MEGF8: variants seen among roughly 807,000 people sequenced by gnomAD.
MEGF8 encodes multiple EGF like domains 8.
In MEGF8, 156 loss-of-function variants were observed where a neutral mutation model predicts 302.9. The observed-to-expected ratio is 0.52, with a 90% confidence interval of 0.45 to 0.59. The LOEUF is 0.59. MEGF8 is among the 20% of genes least tolerant of loss of function. The pLI is 0.00. For synonymous variants in MEGF8, 1,621 were observed against 1,660.5 expected, an observed-to-expected ratio of 0.98 and a Z score of 0.58; for missense variants, 3,345 against 3,964.5, an observed-to-expected ratio of 0.84 and a Z score of 4.20.
At chr19:42,330,148 G>A (rs1298692661) in intron 1 of MEGF8, among the ~76,000 whole-genome samples, 1 of 152,080 alleles carries the variant, frequency 6.6e-6, no homozygotes, top group East Asian at 1.9e-4. Context: ...TCTCTATGTT[G>A]GCCAGGCTGG....
chr19:42,376,355 T>G lies in MEGF8; in HGVS notation c.8118T>G (p.Pro2706=). 6.2e-7 allele frequency: 1 copy of G among 1,613,484 alleles called. No individual in the cohort carries two copies. Among genetic ancestry groups the G allele is most frequent in the East Asian group, 2.2e-5 (1 of 44,882 alleles). Residue 2706 remains proline, a synonymous_variant, in exon 42 of 42, where the codon CCT becomes CCG. Transcript: ENST00000251268. This position sits in a 1 kb window ranked among gnomAD's most constrained non-coding sequence, Gnocchi z 8.2. ...CCAAGGTCACCGTCTGCTTCCCACC[T>G]GACCCTACTGCCCCGGCCTCCGCCT... The part of the protein sequence containing the change: ...PFAKVTVCFP[P]DPTAPASAWK...
Position 42,356,139 on chromosome 19 carries a change from G to A in MEGF8, c.4449G>A (p.Lys1483=). Residue 1483 remains lysine, a synonymous_variant, in exon 25 of 42, where the codon AAG becomes AAA. Transcript: ENST00000251268. The surrounding 1 kb of genome is among the most constrained non-coding windows in gnomAD (Gnocchi z 5.2). ...EGFGGPDCAT[K]LDGGQLVWET... ...TCGGGGGCCCCGACTGCGCCACCAA[G>A]CTGGATGGCGGGCAGCTGGTCTGGG... 6.3e-7 allele frequency: 1 copy of A among 1,576,648 alleles called. No individual in the cohort carries two copies. Among genetic ancestry groups the A allele is most frequent in the Non-Finnish European group, 8.6e-7 (1 of 1,160,318 alleles).
chr19:42,360,999 G>A lies in MEGF8; in HGVS notation c.5713G>A (p.Ala1905Thr). 6.5e-7 allele frequency: 1 copy of A among 1,548,138 alleles called. No homozygotes were observed. Among genetic ancestry groups the A allele is most frequent in the Non-Finnish European group, 8.7e-7 (1 of 1,146,370 alleles). Residue 1905 changes from alanine (A) to threonine (T), a missense_variant, in exon 32 of 42, where the codon GCC becomes ACC. Coordinates refer to ENST00000251268, the MANE Select transcript of MEGF8 (RefSeq NM_001271938.2). Reference sequence around the variant, plus strand: ...TGGGGCCTGCTTGTCCGGGGATCAGGCCCACAGGTAACCATGGCGACCATG... The same window carrying A: ...TGGGGCCTGCTTGTCCGGGGATCAGACCCACAGGTAACCATGGCGACCATG... ...CHGACLSGDQAHRLGCGGSPC... is the reference protein window; with the variant it reads ...CHGACLSGDQTHRLGCGGSPC...
At chr19:42,371,293 T>TC (rs2039687375) in intron 40 of MEGF8, 57 bp from the exon 41 acceptor site, 1 of 1,594,354 alleles carries the variant, frequency 6.3e-7, no homozygotes, top group African/African-American at 1.3e-5. Flanking sequence ...ATATGGGGTG[T>TC]CCATCCTGGA....
In MEGF8 at chr19:42,375,464, C is replaced by G; in HGVS notation, c.7270-43C>G. On this transcript the variant is annotated intron_variant, in intron 41 of 41. Transcript: ENST00000251268. The surrounding 1 kb of genome is among the most constrained non-coding windows in gnomAD (Gnocchi z 7.1). ...TGCTGCTTGGGGGACAGGCTGGCAC[C>G]GCACTCAGCCCTGATGGTCACCGCC... 2.0e-6 allele frequency: 3 copies of G among 1,505,748 alleles called. No individual in the cohort carries two copies. Among genetic ancestry groups the G allele is most frequent in the Non-Finnish European group, 2.7e-6 (3 of 1,123,204 alleles). 93.3% of individuals were successfully genotyped at this position (1,505,748 alleles called of 1,614,324 possible).
chr19:42,334,889 A>G, intron 3 of MEGF8, 146 bp from the exon 4 acceptor site: 1 of 747,420 alleles, frequency 1.3e-6, no homozygotes, highest in Non-Finnish European at 2.0e-6. Flanking sequence ...TTCCTTTTCC[A>G]TCCTCTCCCT....
At chr19:42,373,100 CTT>C (rs371697506) in intron 41 of MEGF8, among the ~76,000 whole-genome samples, 1 of 145,400 alleles carries the variant, frequency 6.9e-6, no homozygotes. Context: ...TTCTTGGTTC[CTT>C]TTTTTTTTTG....
At chr19:42,359,298 C>T (rs974533749) in intron 31 of MEGF8, 56 bp downstream of exon 31, 28 of 1,463,252 alleles carry the variant, frequency 1.9e-5, no homozygotes, top group Non-Finnish European at 8.1e-6. Flanking sequence ...GGAGCCCCAT[C>T]CCCATCCTGG....
rs1489624828 is a variant in MEGF8 at position 42,350,342 on chromosome 19, C to T, written c.2694C>T (p.Cys898=). 1 of 1,602,946 alleles carries T rather than the reference C, an allele frequency of 6.2e-7. No homozygotes were observed. Among genetic ancestry groups the T allele is most frequent in the Non-Finnish European group, 8.5e-7 (1 of 1,177,082 alleles). ...GSLLVLVPTL[C]PLCEEHRDCH... ...TGCTGGTGCTGGTGCCTACCCTCTG[C>T]CCACTCTGCGAGGAGCATCGGGACT... The change falls in exon 15 of 42, where the codon TGC becomes TGT. Residue 898 remains cysteine (C), a synonymous_variant. Coordinates refer to ENST00000251268, the MANE Select transcript of MEGF8 (RefSeq NM_001271938.2).
chr19:42,367,073 T>C (rs939039802), intron 35 of MEGF8, among the ~76,000 whole-genome samples: 1 of 152,186 alleles, frequency 6.6e-6, no homozygotes, highest in Non-Finnish European at 1.5e-5. Flanking sequence ...TCTTCACTTA[T>C]GGCCCAAGCA....
Position 42,356,060 on chromosome 19 carries a change from C to T in MEGF8, c.4393-23C>T, listed in dbSNP as rs762015788. On this transcript the variant is annotated intron_variant, in intron 24 of 41. Coordinates refer to ENST00000251268, the MANE Select transcript of MEGF8 (RefSeq NM_001271938.2). The surrounding 1 kb of genome is among the most constrained non-coding windows in gnomAD (Gnocchi z 5.2). Reference sequence around the variant, plus strand: ...GACAGGGCTGGTGATCAGGGCTCCCCTGAGTCCCTTGTCATCCCCCAGAGC... The same window carrying T: ...GACAGGGCTGGTGATCAGGGCTCCCTTGAGTCCCTTGTCATCCCCCAGAGC... 3 of 1,593,094 alleles carry T rather than the reference C, an allele frequency of 1.9e-6. No individual in the cohort carries two copies. The highest frequency in any genetic ancestry group is 2.6e-6 in the Non-Finnish European group (3 of 1,166,004).
chr19:42,351,169 G>A lies in MEGF8; in HGVS notation c.2737-47G>A, dbSNP rs1165058257. ...TGGGATGGGCACTGGGAGTCCAAAG[G>A]AAAGGGCTGAGTGGGGTTCTGACTC... On this transcript the variant is annotated intron_variant, in intron 15 of 41. Coordinates refer to ENST00000251268, the MANE Select transcript of MEGF8 (RefSeq NM_001271938.2). The surrounding 1 kb of genome is among the most constrained non-coding windows in gnomAD (Gnocchi z 5.6). 6.6e-7 allele frequency: 1 copy of A among 1,514,114 alleles called. No homozygotes were observed. Among genetic ancestry groups the A allele is most frequent in the Non-Finnish European group, 8.9e-7 (1 of 1,117,368 alleles). The allele number at this position is 1,514,114 out of a possible 1,614,324, so 93.8% of individuals were successfully genotyped here. A position where few individuals can be genotyped will look rare whatever the true frequency, so the allele number is the denominator to read the frequency against.
In MEGF8 at chr19:42,357,255, C is replaced by T; in HGVS notation, c.4831-149C>T. 9.8e-7 allele frequency: 1 copy of T among 1,020,078 alleles called. No individual in the cohort carries two copies. The highest frequency in any genetic ancestry group is 1.4e-6 in the Non-Finnish European group (1 of 709,128). 63.2% of individuals were successfully genotyped at this position (1,020,078 alleles called of 1,614,324 possible). A position where few individuals can be genotyped will look rare whatever the true frequency, so the allele number is the denominator to read the frequency against. On this transcript the variant is annotated intron_variant, in intron 27 of 41. Transcript: ENST00000251268. The surrounding 1 kb of genome is among the most constrained non-coding windows in gnomAD (Gnocchi z 5.2). ...GCCAAGGGGCCCACTGTGCCTCTGC[C>T]AGGACCCAGGCTGGTCCGACTGGCC...
Position 42,351,424 on chromosome 19 carries a change from C to T in MEGF8, c.2856-5C>T, listed in dbSNP as rs371677951. On this transcript the variant is annotated splice_region_variant and splice_polypyrimidine_tract_variant and intron_variant, in intron 16 of 41. Transcript: ENST00000251268. This position sits in a 1 kb window ranked among gnomAD's most constrained non-coding sequence, Gnocchi z 5.6. Reference sequence around the variant, plus strand: ...AGTGACCTGGCCCCCTGCTCCCCACCCCAGGCGACTGACCTGTGAGGACTG... The same window carrying T: ...AGTGACCTGGCCCCCTGCTCCCCACTCCAGGCGACTGACCTGTGAGGACTG... The T allele has an allele frequency of 4.4e-6, 7 of 1,591,206 alleles. No individual in the cohort carries two copies. Among genetic ancestry groups the T allele is most frequent in the African/African-American group, 1.3e-5 (1 of 74,482 alleles).
Position 42,351,150 on chromosome 19 carries a change from G to A in MEGF8, c.2737-66G>A. On this transcript the variant is annotated intron_variant, in intron 15 of 41. Transcript: ENST00000251268. This position sits in a 1 kb window ranked among gnomAD's most constrained non-coding sequence, Gnocchi z 5.6. ...TGCAGGGTGGGGCAGGGGGTGGGATGGGCACTGGGAGTCCAAAGGAAAGGG... is the reference window on the plus strand; with the variant it reads ...TGCAGGGTGGGGCAGGGGGTGGGATAGGCACTGGGAGTCCAAAGGAAAGGG... 1 of 1,372,414 alleles carries A rather than the reference G, an allele frequency of 7.3e-7. No individual in the cohort carries two copies. Among genetic ancestry groups the A allele is most frequent in the Non-Finnish European group, 1.0e-6 (1 of 997,128 alleles). The allele number at this position is 1,372,414 out of a possible 1,614,324, so 85.0% of individuals were successfully genotyped here.
chr19:42,376,803 C>T lies in MEGF8; in HGVS notation c.*28C>T, dbSNP rs201280861. ...TGCCCAGGGTTCTCATCCACAGCAG[C>T]TGGGTCACCTGATAGGGCCGCCCTG... On this transcript the variant is annotated 3_prime_UTR_variant, in exon 42 of 42. Coordinates refer to ENST00000251268, the MANE Select transcript of MEGF8 (RefSeq NM_001271938.2). This position sits in a 1 kb window ranked among gnomAD's most constrained non-coding sequence, Gnocchi z 8.2. 345 of 1,423,698 alleles carry T rather than the reference C, an allele frequency of 2.4e-4. 1 individual carries two copies. Among genetic ancestry groups the T allele is most frequent in the Non-Finnish European group, 1.9e-5 (21 of 1,092,544 alleles). 88.2% of individuals were successfully genotyped at this position (1,423,698 alleles called of 1,614,324 possible).
chr19:42,372,471 C>T (rs2039706414), intron 41 of MEGF8, among the ~76,000 whole-genome samples: 6 of 152,110 alleles, frequency 3.9e-5, no homozygotes, highest in Admixed American at 3.9e-4. Context: ...CCGCCACCTC[C>T]CCGCCACCTT....
In MEGF8 at chr19:42,368,899, G is replaced by A; in HGVS notation, c.6538G>A (p.Asp2180Asn). 1 of 1,613,912 alleles carries A rather than the reference G, an allele frequency of 6.2e-7. No homozygotes were observed. The highest frequency in any genetic ancestry group is 8.5e-7 in the Non-Finnish European group (1 of 1,179,892). Reference protein sequence around the residue: ...SWAFLSCPPEDECANGHHDCN... With the variant: ...SWAFLSCPPENECANGHHDCN... ...GGCCTTCCTGTCCTGCCCCCCTGAG[G>A]ACGAGTGTGCAAACGGGCACCACGA... The change falls in exon 37 of 42, where the codon GAC (aspartate) becomes AAC (asparagine). Residue 2180 changes from aspartate to asparagine, a missense_variant. By Grantham distance (23) the Asp-to-Asn change is conservative. Transcript: ENST00000251268. This position sits in a 1 kb window ranked among gnomAD's most constrained non-coding sequence, Gnocchi z 4.9.
intron 8 of MEGF8, among the ~76,000 whole-genome samples, chr19:42,341,698 C>T (rs1420454693): frequency 6.6e-6 from 1 of 152,144 alleles, no homozygotes; most frequent in Admixed American, 6.6e-5. Flanking sequence ...TTGTGAGATC[C>T]AGCCTCCCAA....
Sources: allele counts gnomAD v4.1 joint callset (sites outside exome capture counted in the v4.1 genomes callset), GRCh38; gene constraint gnomAD v4.1.1; non-coding constraint Gnocchi (gnomAD v3.1); transcripts MANE v1.5; gene names NCBI Gene and HGNC (gene_info 2026-07-23, HGNC 2026-07-21).